The following ST6GALNAC3 variants were observed in gnomAD, a reference collection of about 807,000 sequenced individuals.
ST6GALNAC3 encodes the protein ST6 N-acetylgalactosaminide alpha-2,6-sialyltransferase 3, also known as alpha-N-acetylgalactosaminide alpha-2,6-sialyltransferase 3.
ST6GALNAC3 carries 25 observed loss-of-function variants against 32.7 expected under a neutral mutation model. The ratio of observed to expected loss-of-function variants is 0.76; its 90% CI spans 0.56 to 1.07. The LOEUF (loss-of-function observed/expected upper bound fraction) is 1.07, where lower values mean the gene tolerates loss of function less well. Among genes scored for constraint, ST6GALNAC3 ranks in the 50% least tolerant of loss-of-function variants. The pLI is 0.00. For synonymous variants in ST6GALNAC3, 129 were observed against 133.1 expected, an observed-to-expected ratio of 0.97 and a Z score of 0.21; for missense variants, 355 against 382.4, an observed-to-expected ratio of 0.93 and a Z score of 0.60.
chr1:76,532,719 G>A (rs1663336067), intron 3 of ST6GALNAC3, among the ~76,000 whole-genome samples: 1 of 152,114 alleles, frequency 6.6e-6, no homozygotes, highest in East Asian at 1.9e-4. Context: ...TAGTTCAGTT[G>A]TTTCTTTACA....
At position 76,630,383 on chromosome 1, in the gene ST6GALNAC3, G is replaced by A. The variant is rs1649230584; in HGVS notation, c.*1577G>A. On this transcript the variant is annotated 3_prime_UTR_variant, in exon 5 of 5. Coordinates refer to ENST00000328299, the MANE Select transcript of ST6GALNAC3 (RefSeq NM_152996.4). ...AAAAAATGAAAAAGCAGGGACAACAGGAGGAAATGAAGGCAGAGAAATATA... is the reference window on the plus strand; with the variant it reads ...AAAAAATGAAAAAGCAGGGACAACAAGAGGAAATGAAGGCAGAGAAATATA... 1.0e-6 allele frequency: 1 copy of A among 985,062 alleles called. No homozygotes were observed. Among genetic ancestry groups the A allele is most frequent in the African/African-American group, 1.7e-5 (1 of 57,184 alleles). 61.0% of individuals were successfully genotyped at this position (985,062 alleles called of 1,614,324 possible).
At chr1:76,353,136 C>T (rs1446143713) in intron 2 of ST6GALNAC3, among the ~76,000 whole-genome samples, 2 of 152,170 alleles carry the variant, frequency 1.3e-5, no homozygotes, top group African/African-American at 4.8e-5. Context: ...TCAGAATAAA[C>T]ACTGAACTCT....
chr1:76,445,897 G>A (rs1656934123), intron 3 of ST6GALNAC3, among the ~76,000 whole-genome samples: 1 of 152,014 alleles, frequency 6.6e-6, no homozygotes, highest in Admixed American at 6.6e-5. Flanking sequence ...TATGCCCATG[G>A]TTCTAAATGA....
intron 1 of ST6GALNAC3, among the ~76,000 whole-genome samples, chr1:76,216,491 T>C (rs1298549061): frequency 6.6e-6 from 1 of 152,238 alleles, no homozygotes; most frequent in Non-Finnish European, 1.5e-5. Flanking sequence ...CAGTGGTAGC[T>C]TGAATTTCCT....
chr1:76,141,748 C>G (rs190365150), intron 1 of ST6GALNAC3, among the ~76,000 whole-genome samples: 5 of 152,112 alleles, frequency 3.3e-5, no homozygotes, highest in African/African-American at 1.2e-4. Context: ...CAAAATGGAT[C>G]TAGCATCTTC....
intron 2 of ST6GALNAC3, among the ~76,000 whole-genome samples, chr1:76,317,310 G>A (rs1162910952): frequency 1.3e-5 from 2 of 152,082 alleles, no homozygotes; most frequent in Non-Finnish European, 2.9e-5. Context: ...GCAATCCGTT[G>A]CAGAAATGGT....
At chr1:76,184,398 G>C (rs896994250) in intron 1 of ST6GALNAC3, among the ~76,000 whole-genome samples, 1 of 152,036 alleles carries the variant, frequency 6.6e-6, no homozygotes, top group Non-Finnish European at 1.5e-5. Context: ...AATTAGCCGG[G>C]TGTGGTGGCG....
intron 3 of ST6GALNAC3, among the ~76,000 whole-genome samples, chr1:76,464,701 G>A (rs1373248958): frequency 6.6e-6 from 1 of 152,158 alleles, no homozygotes; most frequent in African/African-American, 2.4e-5. Context: ...TACTTCACAA[G>A]CATCCTACTA....
intron 2 of ST6GALNAC3, among the ~76,000 whole-genome samples, chr1:76,390,043 CAA>C (rs985741031): frequency 6.6e-6 from 1 of 152,136 alleles, no homozygotes; most frequent in African/African-American, 2.4e-5. Flanking sequence ...CTCTTACACA[CAA>C]AGTCAGTTAT....
At chr1:76,227,685 A>G (rs1306634522) in intron 1 of ST6GALNAC3, among the ~76,000 whole-genome samples, 2 of 152,198 alleles carry the variant, frequency 1.3e-5, no homozygotes, top group Admixed American at 6.5e-5. Flanking sequence ...GACTGTGCGA[A>G]TTTCTGACTT....
chr1:76,223,578 T>C (rs991202269), intron 1 of ST6GALNAC3, among the ~76,000 whole-genome samples: 5 of 152,016 alleles, frequency 3.3e-5, no homozygotes, highest in Admixed American at 3.3e-4. Flanking sequence ...AAAGAAAAAA[T>C]AAAATGTGCT....
At chr1:76,433,469 A>T (rs1655915361) in intron 3 of ST6GALNAC3, among the ~76,000 whole-genome samples, 1 of 152,176 alleles carries the variant, frequency 6.6e-6, no homozygotes, top group Non-Finnish European at 1.5e-5. Flanking sequence ...GTTTTCTGAA[A>T]TTGTTTCATG....
intron 3 of ST6GALNAC3, among the ~76,000 whole-genome samples, chr1:76,536,600 T>A (rs1663616240): frequency 7.6e-6 from 1 of 131,166 alleles, no homozygotes; most frequent in South Asian, 2.3e-4. Flanking sequence ...CAATTCAAGA[T>A]GAGATTTGGG....
chr1:76,197,227 G>C (rs1007922467), intron 1 of ST6GALNAC3, among the ~76,000 whole-genome samples: 1 of 152,204 alleles, frequency 6.6e-6, no homozygotes, highest in Non-Finnish European at 1.5e-5. Context: ...TGTGCTAAAT[G>C]AAGAGTGTTG....
At chr1:76,364,481 A>G (rs1650211062) in intron 2 of ST6GALNAC3, among the ~76,000 whole-genome samples, 1 of 152,168 alleles carries the variant, frequency 6.6e-6, no homozygotes, top group African/African-American at 2.4e-5. Flanking sequence ...TGAACCCAGG[A>G]GGTGGAGGTT....
intron 1 of ST6GALNAC3, among the ~76,000 whole-genome samples, chr1:76,283,602 T>TG (rs1659619683): frequency 6.6e-6 from 1 of 152,216 alleles, no homozygotes; most frequent in African/African-American, 2.4e-5. Context: ...TTGCCTCTTT[T>TG]GATCTCTTGC....
intron 3 of ST6GALNAC3, among the ~76,000 whole-genome samples, chr1:76,446,980 T>C (rs901011609): frequency 1.3e-5 from 2 of 152,154 alleles, no homozygotes; most frequent in Admixed American, 6.5e-5. Context: ...AAAAGATACC[T>C]AAAAACGTGG....
chr1:76,214,029 C>T (rs937330566), intron 1 of ST6GALNAC3, among the ~76,000 whole-genome samples: 1 of 152,096 alleles, frequency 6.6e-6, no homozygotes, highest in African/African-American at 2.4e-5. Context: ...GAGCAAAAAG[C>T]AAAGGCTATA....
chr1:76,260,707 A>ATTT (rs1658180848), intron 1 of ST6GALNAC3, among the ~76,000 whole-genome samples: 1 of 152,154 alleles, frequency 6.6e-6, no homozygotes, highest in Non-Finnish European at 1.5e-5. Flanking sequence ...CTGAAAGGAT[A>ATTT]TTTTAATTTT....
Sources: allele counts gnomAD v4.1 joint callset (sites outside exome capture counted in the v4.1 genomes callset), GRCh38; gene constraint gnomAD v4.1.1; transcripts MANE v1.5; gene names NCBI Gene and HGNC (gene_info 2026-07-23, HGNC 2026-07-21).